The following ZNF410 variants were observed in gnomAD, a reference collection of about 807,000 sequenced individuals.
ZNF410 encodes zinc finger protein 410, also known as another partner for ARF 1.
Under a neutral mutation model 54.8 loss-of-function variants are expected in ZNF410, and 18 were observed. The observed-to-expected ratio is 0.33, with a 90% CI of 0.23 to 0.49. The LOEUF (loss-of-function observed/expected upper bound fraction) is 0.49. ZNF410 is among the 20% of genes least tolerant of loss of function. The pLI is 0.99. For missense variants in ZNF410, 405 were observed against 569.6 expected (o/e 0.71, Z 2.94); for synonymous variants, 191 against 207.3 (o/e 0.92, Z 0.68).
intron 8 of ZNF410, among the ~76,000 whole-genome samples, chr14:73,918,061 G>T (rs2055695151): frequency 1.3e-5 from 2 of 152,050 alleles, no homozygotes; most frequent in African/African-American, 4.8e-5. Flanking sequence ...TATGTGAATA[G>T]TTATGCTATA....
chr14:73,914,024 C>T (rs545266979), intron 8 of ZNF410: 88 of 152,268 alleles, frequency 5.8e-4, no homozygotes, highest in African/African-American at 2.0e-3. Flanking sequence ...AAGCTAGATG[C>T]CTTTAATTTC....
rs981135756 is a variant in ZNF410, at chr14:73,893,924, T to A, written c.161T>A (p.Met54Lys). The A allele has an allele frequency of 6.2e-7, 1 of 1,608,442 alleles. No homozygotes were observed. The highest frequency in any genetic ancestry group is 2.2e-5 in the East Asian group (1 of 44,870). Residue 54 changes from methionine (M) to lysine (K), a missense_variant, in exon 3 of 12, where the codon ATG becomes AAG. Around this residue, in one of 3 missense-constraint regions of ZNF410, gnomAD observed 247 missense variants for 342.8 expected, o/e 0.72. Coordinates refer to ENST00000555044, the MANE Select transcript of ZNF410 (RefSeq NM_021188.3). The stretch of plus-strand genomic sequence containing the variant: ...GAAGCCTCAGAATGCAGTCGGCTAA[T>A]GTTACCAGGTAAAAATTAAGATCAC... ...VTEASECSRL[M>K]LPDDTTNHSN...
chr14:73,912,169 CTT>C (rs34162465), intron 8 of ZNF410, among the ~76,000 whole-genome samples: 2,076 of 128,470 alleles, frequency 0.016, 36 homozygotes, highest in African/African-American at 0.057. Flanking sequence ...CTTTCACTTT[CTT>C]TTTTTTTTTT....
In ZNF410 at chr14:73,887,442, G is replaced by A. The variant is rs567834359; in HGVS notation, c.-150+527G>A. On this transcript the variant is annotated intron_variant, in intron 1 of 11. Transcript: ENST00000555044. ...CCGTTTCTCCTTTGCCTGTCAGTTCGGGGGGCAGGAGTGTGTGGATTGTTT... is the reference window on the plus strand; with the variant it reads ...CCGTTTCTCCTTTGCCTGTCAGTTCAGGGGGCAGGAGTGTGTGGATTGTTT... 6 of 152,356 alleles carry A rather than the reference G, an allele frequency of 3.9e-5. No individual in the cohort carries two copies. The East Asian group carries it at 1.2e-3, about 29-fold the overall frequency. The allele number at this position is 152,356 out of a possible 1,614,324, so 9.4% of individuals were successfully genotyped here. A position where few individuals can be genotyped will look rare whatever the true frequency, so the allele number is the denominator to read the frequency against.
chr14:73,895,144 C>T (rs1278245979), intron 3 of ZNF410: 3 of 152,042 alleles, frequency 2.0e-5, no homozygotes, highest in Non-Finnish European at 4.4e-5. Context: ...GAGCAACACC[C>T]TGTCTAAAAG....
At chr14:73,931,340 T>C (rs1468481694) in intron 11 of ZNF410, among the ~76,000 whole-genome samples, 163 bp from the exon 12 acceptor site, 1 of 152,204 alleles carries the variant, frequency 6.6e-6, no homozygotes, top group Non-Finnish European at 1.5e-5. Context: ...AAGGCCACAG[T>C]GACATCTATC....
Position 73,892,131 on chromosome 14 carries a change from T to A in ZNF410, c.-45T>A, listed in dbSNP as rs1207890834. On this transcript the variant is annotated 5_prime_UTR_variant, in exon 2 of 12. In the 5' UTR this introduces an upstream ATG that the reference lacks. Coordinates refer to ENST00000555044, the MANE Select transcript of ZNF410 (RefSeq NM_021188.3). Reference sequence around the variant, plus strand: ...AGGTATCATTGGCTCTGAATTAAATTTGAACTTGTCCCCTGAATAGCTACA... The same window carrying A: ...AGGTATCATTGGCTCTGAATTAAATATGAACTTGTCCCCTGAATAGCTACA... The A allele has an allele frequency of 8.7e-6, 14 of 1,609,394 alleles. No homozygotes were observed. In the East Asian group the frequency reaches 2.9e-4, roughly 33 times the overall value.
At chr14:73,887,833 G>A (rs1319537242) in intron 1 of ZNF410, among the ~76,000 whole-genome samples, 1 of 152,210 alleles carries the variant, frequency 6.6e-6, no homozygotes, top group Non-Finnish European at 1.5e-5. Flanking sequence ...TTTTTGGCAA[G>A]TTGCTGAATC....
chr14:73,907,268 T>C (rs985195716), intron 7 of ZNF410, among the ~76,000 whole-genome samples: 2 of 152,182 alleles, frequency 1.3e-5, no homozygotes, highest in Non-Finnish European at 2.9e-5. Flanking sequence ...AATGTCAAAA[T>C]TGACCTCAAA....
At position 73,931,685 on chromosome 14, in the gene ZNF410, G is replaced by A. The variant is rs1379584954; in HGVS notation, c.*144G>A. 2 of 716,508 alleles carry A rather than the reference G, an allele frequency of 2.8e-6. No homozygotes were observed. Among genetic ancestry groups the A allele is most frequent in the Non-Finnish European group, 4.8e-6 (2 of 415,628 alleles). 44.4% of individuals were successfully genotyped at this position (716,508 alleles called of 1,614,324 possible). A position where few individuals can be genotyped will look rare whatever the true frequency, so the allele number is the denominator to read the frequency against. On this transcript the variant is annotated 3_prime_UTR_variant, in exon 12 of 12. Transcript: ENST00000555044. ...CTTTTGCCACTCTTCCTCTTTCCTG[G>A]TATAGAAGATGGATGTAGGAGAGCT...
intron 4 of ZNF410, among the ~76,000 whole-genome samples, 180 bp from the exon 5 acceptor site, chr14:73,897,891 G>T (rs796174379): frequency 1.0e-4 from 15 of 145,832 alleles, no homozygotes; most frequent in African/African-American, 3.5e-4. Context: ...AGAATCACTT[G>T]AACCTGGGAA....
At chr14:73,894,275 A>AC (rs952628937) in intron 3 of ZNF410, 3 of 694,994 alleles carry the variant, frequency 4.3e-6, no homozygotes, top group African/African-American at 3.5e-5. Flanking sequence ...GAGGCATGAA[A>AC]CCCAGGAGAA....
At chr14:73,893,961 T>C (rs1392907376) in intron 3 of ZNF410, 29 bp downstream of exon 3, 2 of 1,595,544 alleles carry the variant, frequency 1.3e-6, no homozygotes, top group Non-Finnish European at 1.7e-6. Flanking sequence ...AGAAATAGGA[T>C]AAAGAAGTCT....
chr14:73,902,521 A>G (rs1421744815), intron 5 of ZNF410, among the ~76,000 whole-genome samples: 1 of 152,166 alleles, frequency 6.6e-6, no homozygotes, highest in East Asian at 1.9e-4. Context: ...TATAGCAAGG[A>G]GAAGATTAAT....
chr14:73,932,508 T>G lies in ZNF410; in HGVS notation c.*967T>G, dbSNP rs539803860. 1 of 449,060 alleles carries G rather than the reference T, an allele frequency of 2.2e-6. No individual in the cohort carries two copies. Among genetic ancestry groups the G allele is most frequent in the African/African-American group, 2.0e-5 (1 of 49,528 alleles). The allele number at this position is 449,060 out of a possible 1,614,324, so 27.8% of individuals were successfully genotyped here. A position where few individuals can be genotyped will look rare whatever the true frequency, so the allele number is the denominator to read the frequency against. On this transcript the variant is annotated 3_prime_UTR_variant, in exon 12 of 12. Transcript: ENST00000555044. The stretch of plus-strand genomic sequence containing the variant: ...GAAAATGGCAATAAAAACAGATACT[T>G]CTGAATTTTTCCACAAAGATAGTTT...
intron 9 of ZNF410, chr14:73,921,403 G>T: frequency 7.5e-6 from 2 of 266,936 alleles, no homozygotes; most frequent in South Asian, 5.7e-5. Context: ...TAGTGAGTTT[G>T]ATGGTAACTA....
At chr14:73,921,930 G>C (rs948165700) in intron 9 of ZNF410, 136 bp from the exon 10 acceptor site, 18 of 927,730 alleles carry the variant, frequency 1.9e-5, no homozygotes, top group Non-Finnish European at 2.8e-5. Flanking sequence ...TCGAAAGTAG[G>C]TGAAATAGGG....
intron 8 of ZNF410, among the ~76,000 whole-genome samples, chr14:73,919,336 G>A (rs1042479647): frequency 6.6e-6 from 1 of 151,964 alleles, no homozygotes; most frequent in Non-Finnish European, 1.5e-5. Context: ...ACATGTGCAG[G>A]TTTGTTACAA....
At chr14:73,894,003 G>T in intron 3 of ZNF410, 71 bp downstream of exon 3, 2 of 1,519,872 alleles carry the variant, frequency 1.3e-6, no homozygotes, top group South Asian at 1.3e-5. Context: ...GTTACTGGTG[G>T]AATGAATATA....
Sources: allele counts gnomAD v4.1 joint callset (sites outside exome capture counted in the v4.1 genomes callset), GRCh38; gene constraint gnomAD v4.1.1; regional missense constraint gnomAD v4.1.1; transcripts MANE v1.5; gene names NCBI Gene and HGNC (gene_info 2026-07-23, HGNC 2026-07-21).